The following LDLRAD3 variants were observed in gnomAD, a reference collection of about 807,000 sequenced individuals.
The protein encoded by LDLRAD3 is low-density lipoprotein receptor class A domain-containing protein 3.
Under a neutral mutation model 29.4 loss-of-function variants are expected in LDLRAD3, and 20 were observed. That is an observed-to-expected ratio of 0.68 (90% CI 0.48 to 0.99). The LOEUF (loss-of-function observed/expected upper bound fraction) is 0.99. Ranked by LOEUF, LDLRAD3 falls within the 50% of genes least tolerant of loss-of-function variation. The pLI is 0.00. For missense variants in LDLRAD3, 420 were observed against 454.3 expected (o/e 0.92, Z 0.69); for synonymous variants, 157 against 192.7 (o/e 0.81, Z 1.53).
chr11:36,167,731 A>G (rs7943612), intron 4 of LDLRAD3, among the ~76,000 whole-genome samples: 10,388 of 152,238 alleles, frequency 0.068, 557 homozygotes, highest in East Asian at 0.32. Flanking sequence ...TTGGGCCTCC[A>G]GAATACATTT....
At chr11:36,202,336 C>G (rs1357774190) in intron 4 of LDLRAD3, among the ~76,000 whole-genome samples, 1 of 152,172 alleles carries the variant, frequency 6.6e-6, no homozygotes, top group Non-Finnish European at 1.5e-5. Flanking sequence ...CTGCGCCTGG[C>G]AGGGGACATC....
At position 35,976,650 on chromosome 11, in the gene LDLRAD3, C is replaced by T. The variant is rs114574276; in HGVS notation, c.46+32506C>T. 6.0e-3 allele frequency among the ~76,000 whole-genome samples: 906 copies of T among 151,506 alleles called. 8 individuals are homozygous for T. The highest frequency in any genetic ancestry group is 0.02 in the African/African-American group (814 of 41,244). On this transcript the variant is annotated intron_variant, in intron 1 of 5. Transcript: ENST00000315571. ...ATGAAACTTACTATGTTCCAGGCAT[C>T]GTGTTAGTCACTTGGGGGTACTGAG...
chr11:36,075,545 G>A (rs572832672), intron 2 of LDLRAD3, among the ~76,000 whole-genome samples: 37 of 152,206 alleles, frequency 2.4e-4, no homozygotes, highest in African/African-American at 7.7e-4. Flanking sequence ...AACATATTGC[G>A]GAAGATACTT....
intron 4 of LDLRAD3, among the ~76,000 whole-genome samples, chr11:36,218,974 T>A (rs1370219903): frequency 6.6e-6 from 1 of 152,204 alleles, no homozygotes; most frequent in East Asian, 1.9e-4. Flanking sequence ...GAAAAGTACG[T>A]GTGTGTACAA....
chr11:36,100,914 TAAG>T (rs1484447118), intron 4 of LDLRAD3, among the ~76,000 whole-genome samples: 2 of 152,206 alleles, frequency 1.3e-5, no homozygotes, highest in African/African-American at 4.8e-5. Flanking sequence ...TGCTTGCCCT[TAAG>T]AAGAATGGTG....
chr11:35,950,205 G>C (rs1440545773), intron 1 of LDLRAD3, among the ~76,000 whole-genome samples: 1 of 151,890 alleles, frequency 6.6e-6, no homozygotes, highest in Non-Finnish European at 1.5e-5. Flanking sequence ...TTCTAGACAG[G>C]AGTTGTACTG....
At chr11:36,051,213 A>G (rs1314920038) in intron 2 of LDLRAD3, among the ~76,000 whole-genome samples, 1 of 152,220 alleles carries the variant, frequency 6.6e-6, no homozygotes, top group Non-Finnish European at 1.5e-5. Flanking sequence ...GGTGATTCCT[A>G]TGGCTGGTGG....
intron 1 of LDLRAD3, among the ~76,000 whole-genome samples, chr11:35,969,946 A>T (rs1332363486): frequency 6.6e-6 from 1 of 152,092 alleles, no homozygotes; most frequent in African/African-American, 2.4e-5. Context: ...ATACCGGCTT[A>T]TTTGCTTTTG....
intron 4 of LDLRAD3, among the ~76,000 whole-genome samples, chr11:36,128,035 C>A (rs944971905): frequency 1.3e-5 from 2 of 150,466 alleles, no homozygotes; most frequent in East Asian, 3.9e-4. Flanking sequence ...CAGGAGCTAC[C>A]CCACACTCAC....
intron 4 of LDLRAD3, among the ~76,000 whole-genome samples, chr11:36,098,891 T>C (rs923349215): frequency 1.3e-5 from 2 of 152,170 alleles, no homozygotes; most frequent in Non-Finnish European, 2.9e-5. Context: ...GCTGTGTTTT[T>C]TTTTCTTTTT....
intron 2 of LDLRAD3, among the ~76,000 whole-genome samples, chr11:36,067,517 C>A (rs762890016): frequency 6.6e-6 from 1 of 152,172 alleles, no homozygotes; most frequent in Non-Finnish European, 1.5e-5. Context: ...ATCCCCTCAA[C>A]AACTGAGCAA....
intron 1 of LDLRAD3, among the ~76,000 whole-genome samples, chr11:35,970,654 G>C (rs1466558998): frequency 6.6e-6 from 1 of 152,214 alleles, no homozygotes; most frequent in Non-Finnish European, 1.5e-5. Context: ...CATCAAGGCT[G>C]AGAGGTGTTA....
intron 1 of LDLRAD3, among the ~76,000 whole-genome samples, chr11:35,981,208 G>A (rs1286825955): frequency 2.6e-5 from 4 of 152,064 alleles, no homozygotes; most frequent in East Asian, 1.9e-4. Context: ...GGCAGCGGGC[G>A]GGGGTTGGGG....
intron 3 of LDLRAD3, among the ~76,000 whole-genome samples, chr11:36,084,367 C>G (rs1024831549): frequency 3.3e-5 from 5 of 152,268 alleles, no homozygotes; most frequent in Middle Eastern, 3.4e-3. Context: ...CGTCTTAACC[C>G]TAGCTACTCC....
intron 2 of LDLRAD3, among the ~76,000 whole-genome samples, chr11:36,065,476 T>C (rs1384594559): frequency 6.6e-6 from 1 of 152,208 alleles, no homozygotes; most frequent in Non-Finnish European, 1.5e-5. Flanking sequence ...TACCAAGAGA[T>C]GATAGCCATG....
intron 1 of LDLRAD3, among the ~76,000 whole-genome samples, chr11:36,017,397 C>T (rs1277246259): frequency 6.6e-6 from 1 of 152,194 alleles, no homozygotes; most frequent in Non-Finnish European, 1.5e-5. Flanking sequence ...TCTCAAGTAT[C>T]CCAAAAAACT....
intron 4 of LDLRAD3, among the ~76,000 whole-genome samples, chr11:36,169,843 T>A (rs1374635380): frequency 1.3e-5 from 2 of 152,286 alleles, no homozygotes; most frequent in East Asian, 1.9e-4. Context: ...TGGGGGTAAA[T>A]CTATTTTTAG....
In LDLRAD3 at chr11:36,092,398, C is replaced by G. The variant is rs11033412; in HGVS notation, c.320-5929C>G. ...GATGTGATCAAGTCAGGGTATTCAG[C>G]TGTCCATTACTCAAGTGCAGTACAT... On this transcript the variant is annotated intron_variant, in intron 3 of 5. Coordinates refer to ENST00000315571, the MANE Select transcript of LDLRAD3 (RefSeq NM_174902.4). 9.0e-3 allele frequency among the ~76,000 whole-genome samples: 1,368 copies of G among 152,278 alleles called. 8 individuals are homozygous for G. Among genetic ancestry groups the G allele is most frequent in the Non-Finnish European group, 0.011 (724 of 68,020 alleles).
intron 2 of LDLRAD3, among the ~76,000 whole-genome samples, chr11:36,055,405 A>G (rs1852603593): frequency 6.6e-6 from 1 of 152,052 alleles, no homozygotes; most frequent in South Asian, 2.1e-4. Flanking sequence ...AGTTCAAGCC[A>G]TGGTATCCAG....
Sources: gnomAD v4.1 joint callset for allele counts (sites outside exome capture counted in the v4.1 genomes callset) on GRCh38, gnomAD v4.1.1 for gene constraint, MANE v1.5 for transcripts, NCBI Gene and HGNC (gene_info 2026-07-23, HGNC 2026-07-21) for gene names.